SCHIP1: variants seen among roughly 807,000 people sequenced by gnomAD.
SCHIP1 encodes schwannomin interacting protein 1, also known as schwannomin-interacting protein 1.
A neutral mutation model predicts 29.7 loss-of-function variants in SCHIP1; 8 were observed. The observed-to-expected ratio is 0.27, with a 90% confidence interval of 0.16 to 0.49. The LOEUF (loss-of-function observed/expected upper bound fraction) is 0.49, where lower values mean the gene tolerates loss of function less well. SCHIP1 is among the 20% of genes least tolerant of loss of function. The pLI, the probability that SCHIP1 is intolerant of heterozygous loss-of-function variation, is 0.99. For missense variants in SCHIP1, 193 were observed against 294.6 expected (o/e 0.66, Z 2.52); for synonymous variants, 76 against 94.9 (o/e 0.80, Z 1.16).
chr3:159,611,383 C>A, the SCHIP1 span, among the ~76,000 whole-genome samples: 1 of 152,206 alleles, frequency 6.6e-6, no homozygotes, highest in East Asian at 1.9e-4. Flanking sequence ...TTTGTAGGGA[C>A]ATGGATGGAG....
the SCHIP1 span, among the ~76,000 whole-genome samples, chr3:159,625,581 C>T: frequency 3.3e-5 from 5 of 152,076 alleles, no homozygotes; most frequent in East Asian, 1.9e-4. Context: ...ATTTTTCTAG[C>T]GAGTTTGCTT....
chr3:159,499,437 C>T, the SCHIP1 span, among the ~76,000 whole-genome samples: 1 of 152,140 alleles, frequency 6.6e-6, no homozygotes, highest in Non-Finnish European at 1.5e-5. Flanking sequence ...TACTGTGATC[C>T]TTATGAAGAC....
At chr3:159,589,350 G>C in the SCHIP1 span, among the ~76,000 whole-genome samples, 3 of 152,180 alleles carry the variant, frequency 2.0e-5, no homozygotes, top group Non-Finnish European at 4.4e-5. Flanking sequence ...ATCAGCTTAA[G>C]GAGATTTTGG....
the SCHIP1 span, among the ~76,000 whole-genome samples, chr3:159,414,169 T>A: frequency 6.6e-6 from 1 of 152,350 alleles, no homozygotes; most frequent in Admixed American, 6.5e-5. Flanking sequence ...ATAAGAGTAC[T>A]GCTCCTTTCC....
At chr3:159,793,842 G>A in the SCHIP1 span, among the ~76,000 whole-genome samples, 1 of 152,218 alleles carries the variant, frequency 6.6e-6, no homozygotes, top group Non-Finnish European at 1.5e-5. Context: ...ACAAGCGTGA[G>A]CCACTGTGCC....
chr3:159,286,122 G>A, the SCHIP1 span, among the ~76,000 whole-genome samples: 2 of 151,992 alleles, frequency 1.3e-5, no homozygotes, highest in East Asian at 3.9e-4. Flanking sequence ...TTGTAATATA[G>A]GTAAATTCCA....
At chr3:159,274,276 A>T in the SCHIP1 span, 2 of 985,206 alleles carry the variant, frequency 2.0e-6, no homozygotes, top group South Asian at 9.4e-5. Flanking sequence ...TGATTTGTAC[A>T]GTTTGGGAAG....
the SCHIP1 span, among the ~76,000 whole-genome samples, chr3:159,393,766 CT>C: frequency 6.6e-6 from 1 of 151,130 alleles, no homozygotes. Flanking sequence ...CAGCTTTGTT[CT>C]TTTGGCTTAG....
chr3:159,317,502 T>C, the SCHIP1 span, among the ~76,000 whole-genome samples: 1 of 152,182 alleles, frequency 6.6e-6, no homozygotes. Flanking sequence ...ATCCTGGTTA[T>C]GGGAGAAACA....
chr3:159,591,361 G>A, the SCHIP1 span, among the ~76,000 whole-genome samples: 4 of 152,066 alleles, frequency 2.6e-5, no homozygotes, highest in East Asian at 3.9e-4. Flanking sequence ...ACAGTGTGGC[G>A]ATTCCTCAAG....
chr3:159,886,210 G>T, exon 3 of SCHIP1: 2 of 1,614,136 alleles, frequency 1.2e-6, no homozygotes, highest in Non-Finnish European at 1.7e-6. Context: ...TGCCCAGACT[G>T]CAGAGTGGGA....
chr3:159,829,454 C>G, the SCHIP1 span, among the ~76,000 whole-genome samples: 1 of 151,904 alleles, frequency 6.6e-6, no homozygotes, highest in African/African-American at 2.4e-5. Context: ...AATACAACTA[C>G]AAATGAGATA....
At chr3:159,351,048 C>G in the SCHIP1 span, among the ~76,000 whole-genome samples, 2 of 152,144 alleles carry the variant, frequency 1.3e-5, no homozygotes. Context: ...AATTCATTCT[C>G]TGGGTAAGAA....
the SCHIP1 span, among the ~76,000 whole-genome samples, chr3:159,606,002 C>T: frequency 6.6e-6 from 1 of 152,186 alleles, no homozygotes; most frequent in Non-Finnish European, 1.5e-5. Context: ...CTACAGCTGC[C>T]TCACATAGCA....
chr3:159,652,758 A>G, the SCHIP1 span, among the ~76,000 whole-genome samples: 1 of 152,196 alleles, frequency 6.6e-6, no homozygotes, highest in Non-Finnish European at 1.5e-5. Flanking sequence ...TTGGAGGCAC[A>G]ATGAGAAAAA....
the SCHIP1 span, among the ~76,000 whole-genome samples, chr3:159,749,301 C>A: frequency 2.0e-5 from 3 of 151,800 alleles, no homozygotes; most frequent in Non-Finnish European, 4.4e-5. Flanking sequence ...TGAGCTTGTG[C>A]CACTGCACTC....
the SCHIP1 span, among the ~76,000 whole-genome samples, chr3:159,590,336 G>A: frequency 2.0e-5 from 3 of 152,286 alleles, no homozygotes; most frequent in South Asian, 6.2e-4. Flanking sequence ...AGCACTTTCA[G>A]AGGCGAAGGT....
chr3:159,698,710 C>T, the SCHIP1 span, among the ~76,000 whole-genome samples: 2 of 152,084 alleles, frequency 1.3e-5, no homozygotes, highest in African/African-American at 2.4e-5. Flanking sequence ...ATGGTCTCGG[C>T]TCACTGCAAC....
chr3:159,776,368 T>C, the SCHIP1 span, among the ~76,000 whole-genome samples: 2 of 149,206 alleles, frequency 1.3e-5, no homozygotes, highest in Non-Finnish European at 3.0e-5. Flanking sequence ...AGATTTATTG[T>C]GAAGAGCGAA....
Sources: gnomAD v4.1 joint callset for allele counts (sites outside exome capture counted in the v4.1 genomes callset) on GRCh38, gnomAD v4.1.1 for gene constraint, MANE v1.5 for transcripts, NCBI Gene and HGNC (gene_info 2026-07-23, HGNC 2026-07-21) for gene names.